NKAIN2: variants seen among roughly 807,000 people sequenced by gnomAD.
The protein encoded by NKAIN2 is sodium/potassium transporting ATPase interacting 2, also known as sodium/potassium-transporting ATPase subunit beta-1-interacting protein 2.
Under a neutral mutation model 32.6 loss-of-function variants are expected in NKAIN2, and 14 were observed. The observed-to-expected ratio is 0.43, with a 90% CI of 0.28 to 0.67. The LOEUF is 0.67. Among genes scored for constraint, NKAIN2 ranks in the 30% least tolerant of loss-of-function variants. The pLI, the probability that NKAIN2 is intolerant of heterozygous loss-of-function variation, is 0.17. For synonymous variants in NKAIN2, 80 were observed against 87.2 expected (o/e 0.92, Z 0.46); for missense variants, 198 against 258.3 (o/e 0.77, Z 1.60).
At chr6:124,523,190 T>C (rs1005633307) in intron 3 of NKAIN2, among the ~76,000 whole-genome samples, 2 of 151,608 alleles carry the variant, frequency 1.3e-5, no homozygotes, top group Admixed American at 6.6e-5. Flanking sequence ...TTTTTCTATC[T>C]AACTATTCAT....
intron 1 of NKAIN2, among the ~76,000 whole-genome samples, chr6:124,085,230 A>G (rs1201105951): frequency 1.3e-5 from 2 of 152,082 alleles, no homozygotes; most frequent in African/African-American, 4.8e-5. Flanking sequence ...TTTTAATGCA[A>G]CTACTGAATT....
intron 3 of NKAIN2, among the ~76,000 whole-genome samples, chr6:124,619,765 G>A (rs1042449750): frequency 3.3e-5 from 5 of 152,110 alleles, no homozygotes; most frequent in African/African-American, 1.2e-4. Flanking sequence ...AATATGTAAT[G>A]ATTATCAGTG....
chr6:124,386,761 T>C (rs2114396708), intron 3 of NKAIN2, among the ~76,000 whole-genome samples: 1 of 152,306 alleles, frequency 6.6e-6, no homozygotes, highest in Middle Eastern at 3.4e-3. Context: ...CAAATCTACC[T>C]GGATGGTCTG....
intron 3 of NKAIN2, among the ~76,000 whole-genome samples, chr6:124,388,184 A>C (rs577081245): frequency 7.9e-4 from 94 of 119,626 alleles, no homozygotes; most frequent in African/African-American, 4.2e-3. Context: ...TTAATTTTAC[A>C]AAAAAAAAAC....
chr6:124,183,465 A>G (rs1269541456), intron 1 of NKAIN2, among the ~76,000 whole-genome samples: 1 of 152,082 alleles, frequency 6.6e-6, no homozygotes, highest in African/African-American at 2.4e-5. Flanking sequence ...TGTTAATTAC[A>G]TTTGAAAACT....
At chr6:123,846,684 CA>C (rs1334878937) in intron 1 of NKAIN2, among the ~76,000 whole-genome samples, 13 of 152,084 alleles carry the variant, frequency 8.5e-5, no homozygotes, top group African/African-American at 3.1e-4. Flanking sequence ...AAAGAAATAG[CA>C]AGCAGTATAT....
chr6:124,694,375 C>T (rs1221948119), intron 4 of NKAIN2, among the ~76,000 whole-genome samples: 1 of 152,212 alleles, frequency 6.6e-6, no homozygotes, highest in Non-Finnish European at 1.5e-5. Flanking sequence ...CCAACCCTTT[C>T]AACTTTGCAT....
chr6:123,947,240 T>C (rs542125401), intron 1 of NKAIN2, among the ~76,000 whole-genome samples: 3 of 152,334 alleles, frequency 2.0e-5, no homozygotes, highest in Admixed American at 1.3e-4. Flanking sequence ...CTAATAGATA[T>C]CAAAGTTTAC....
chr6:124,148,798 A>C (rs1435120775), intron 1 of NKAIN2, among the ~76,000 whole-genome samples: 2 of 152,042 alleles, frequency 1.3e-5, no homozygotes, highest in Non-Finnish European at 2.9e-5. Flanking sequence ...AACTTTTTGC[A>C]TGTGTTTTTA....
At chr6:124,627,123 A>G (rs1323041545) in intron 3 of NKAIN2, among the ~76,000 whole-genome samples, 3 of 152,110 alleles carry the variant, frequency 2.0e-5, no homozygotes, top group Non-Finnish European at 4.4e-5. Flanking sequence ...TACAAAAATT[A>G]GGTGGGCATG....
At chr6:124,268,398 C>T (rs1181057425) in intron 1 of NKAIN2, among the ~76,000 whole-genome samples, 2 of 152,010 alleles carry the variant, frequency 1.3e-5, no homozygotes, top group Admixed American at 6.6e-5. Context: ...TTTTTTCTCC[C>T]AATAGTAGTA....
intron 2 of NKAIN2, among the ~76,000 whole-genome samples, chr6:124,354,934 G>T (rs555684755): frequency 6.6e-6 from 1 of 151,392 alleles, no homozygotes; most frequent in African/African-American, 2.4e-5. Flanking sequence ...GCTGGGTGTG[G>T]TGGTGCGCAC....
At chr6:124,530,517 A>G (rs1779483083) in intron 3 of NKAIN2, among the ~76,000 whole-genome samples, 1 of 152,218 alleles carries the variant, frequency 6.6e-6, no homozygotes, top group South Asian at 2.1e-4. Context: ...CTTACTGAAA[A>G]AAGTCTGCAC....
chr6:124,467,977 C>T (rs1359094160), intron 3 of NKAIN2, among the ~76,000 whole-genome samples: 1 of 152,062 alleles, frequency 6.6e-6, no homozygotes, highest in Non-Finnish European at 1.5e-5. Context: ...ATAGAACTCA[C>T]ATCATTAGAT....
At chr6:124,774,236 G>A (rs145494015) in intron 4 of NKAIN2, among the ~76,000 whole-genome samples, 23 of 152,248 alleles carry the variant, frequency 1.5e-4, no homozygotes, top group Non-Finnish European at 3.1e-4. Flanking sequence ...ATTGGACCTG[G>A]GAGACAGCAG....
chr6:123,862,880 G>A (rs971376770), intron 1 of NKAIN2, among the ~76,000 whole-genome samples: 5 of 152,036 alleles, frequency 3.3e-5, no homozygotes, highest in East Asian at 1.9e-4. Context: ...CCTACTGTAC[G>A]GTAAAGTCTT....
intron 2 of NKAIN2, among the ~76,000 whole-genome samples, chr6:124,318,561 TA>T (rs1223950951): frequency 6.6e-6 from 1 of 151,870 alleles, no homozygotes; most frequent in Non-Finnish European, 1.5e-5. Context: ...TCATTTAACT[TA>T]AAAAAAATTT....
intron 1 of NKAIN2, among the ~76,000 whole-genome samples, chr6:124,186,310 G>A (rs2758829): frequency 0.14 from 20,890 of 151,952 alleles, 3,546 homozygotes; most frequent in African/African-American, 0.4. Flanking sequence ...GGGCATGGTG[G>A]TGTATGCCAG....
chr6:124,343,264 T>C (rs1798224581), intron 2 of NKAIN2, among the ~76,000 whole-genome samples: 1 of 152,128 alleles, frequency 6.6e-6, no homozygotes, highest in Non-Finnish European at 1.5e-5. Flanking sequence ...AAGTCTTTGC[T>C]ATTGTGAATA....
Sources: gnomAD v4.1 joint callset for allele counts (sites outside exome capture counted in the v4.1 genomes callset) on GRCh38, gnomAD v4.1.1 for gene constraint, MANE v1.5 for transcripts, NCBI Gene and HGNC (gene_info 2026-07-23, HGNC 2026-07-21) for gene names.